The following RIPOR3 variants were observed in gnomAD, a reference collection of about 807,000 sequenced individuals.
RIPOR3 encodes the protein RIPOR family member 3, also known as family with sequence similarity 65 member C.
A neutral mutation model predicts 114.3 loss-of-function variants in RIPOR3; 95 were observed. The observed-to-expected ratio is 0.83, with a 90% confidence interval of 0.70 to 0.99. RIPOR3 has a LOEUF of 0.99. RIPOR3 is among the 50% of genes least tolerant of loss of function. RIPOR3 has a pLI of 0.00. For synonymous variants in RIPOR3, 575 were observed against 543.8 expected (o/e 1.06, Z -0.80); for missense variants, 1,252 against 1,266.9 (o/e 0.99, Z 0.18).
chr20:50,609,088 A>C, intron 8 of RIPOR3, 133 bp from the exon 9 acceptor site: 1 of 1,356,134 alleles, frequency 7.4e-7, no homozygotes, highest in Non-Finnish European at 1.0e-6. Flanking sequence ...GAGGTACACC[A>C]TCATGATGGA....
intron 1 of RIPOR3, among the ~76,000 whole-genome samples, chr20:50,661,460 G>A (rs1418173443): frequency 1.3e-5 from 2 of 152,112 alleles, no homozygotes; most frequent in Non-Finnish European, 2.9e-5. Flanking sequence ...GGTAGAGTAG[G>A]TTTCTGATTC....
At chr20:50,663,184 C>CACACAGAATCACA (rs2086059588) in intron 1 of RIPOR3, among the ~76,000 whole-genome samples, 2 of 151,420 alleles carry the variant, frequency 1.3e-5, no homozygotes, top group Admixed American at 6.6e-5. Context: ...CACAGGTATT[C>CACACAGAATCACA]ACTGACGTGA....
chr20:50,681,931 C>G (rs2086873852), intron 1 of RIPOR3, among the ~76,000 whole-genome samples: 1 of 152,232 alleles, frequency 6.6e-6, no homozygotes, highest in Admixed American at 6.5e-5. Flanking sequence ...TCCTTGATGT[C>G]AGTCAAGATC....
At chr20:50,614,373 C>T (rs966430976) in intron 4 of RIPOR3, among the ~76,000 whole-genome samples, 1 of 152,192 alleles carries the variant, frequency 6.6e-6, no homozygotes, top group African/African-American at 2.4e-5. Context: ...CATCTCCCCT[C>T]CTCGCTTTCC....
intron 1 of RIPOR3, chr20:50,636,758 A>G: frequency 4.1e-6 from 4 of 985,498 alleles, no homozygotes; most frequent in Non-Finnish European, 4.8e-6. Context: ...GGCTGGAGGA[A>G]GCAGAGTCTA....
intron 1 of RIPOR3, among the ~76,000 whole-genome samples, chr20:50,661,392 C>A (rs1262992066): frequency 6.6e-6 from 1 of 152,122 alleles, no homozygotes; most frequent in Non-Finnish European, 1.5e-5. Flanking sequence ...TTTTTAATAA[C>A]CAAAAGAAAA....
At chr20:50,663,800 C>T (rs2086091072) in intron 1 of RIPOR3, among the ~76,000 whole-genome samples, 1 of 152,202 alleles carries the variant, frequency 6.6e-6, no homozygotes, top group Non-Finnish European at 1.5e-5. Flanking sequence ...CCCTGATCCC[C>T]ATCCCCAGAA....
intron 1 of RIPOR3, among the ~76,000 whole-genome samples, chr20:50,644,860 A>C (rs1331677191): frequency 7.1e-6 from 1 of 140,048 alleles, no homozygotes; most frequent in Non-Finnish European, 1.5e-5. Context: ...TTTTTTTGAG[A>C]CGGAGTTTCG....
intron 1 of RIPOR3, among the ~76,000 whole-genome samples, chr20:50,651,243 A>C (rs1368135929): frequency 1.3e-5 from 2 of 152,204 alleles, no homozygotes; most frequent in Non-Finnish European, 2.9e-5. Context: ...GCTAGGAAGG[A>C]AATGGGGACC....
In RIPOR3 at chr20:50,620,047, A is replaced by G. The variant is rs776918396; in HGVS notation, c.208T>C (p.Cys70Arg). Reference sequence around the variant, plus strand: ...ACCTGCTGGGGCTTCGGGTCTGCACAGACCGACCCCTTCCGCAGCGTGCCG... The same window carrying G: ...ACCTGCTGGGGCTTCGGGTCTGCACGGACCGACCCCTTCCGCAGCGTGCCG... ...MYGTLRKGSV[C>R]ADPKPQQVKK... Residue 70 changes from cysteine (C) to arginine (R), a missense_variant, in exon 3 of 22, where the codon TGT becomes CGT. Physicochemically the swap from Cys to Arg is radical, Grantham distance 180. Coordinates refer to ENST00000327979, the MANE Select transcript of RIPOR3 (RefSeq NM_001290268.2). 6.2e-7 allele frequency: 1 copy of G among 1,614,168 alleles called. No homozygotes were observed.
At chr20:50,616,186 A>C in intron 3 of RIPOR3, 106 bp from the exon 4 acceptor site, 2 of 1,135,450 alleles carry the variant, frequency 1.8e-6, no homozygotes, top group Non-Finnish European at 2.5e-6. Context: ...CACGGGGCTC[A>C]GCGGGGCTCA....
chr20:50,691,455 T>C lies in RIPOR3; in HGVS notation c.-327A>G. The C allele has an allele frequency of 1.4e-5, 3 of 219,934 alleles. No individual in the cohort carries two copies. The South Asian group carries it at 1.6e-4, about 12-fold the overall frequency. 13.6% of individuals were successfully genotyped at this position (219,934 alleles called of 1,614,324 possible). A position where few individuals can be genotyped will look rare whatever the true frequency, so the allele number is the denominator to read the frequency against. ...GAGCTGGGGTTCCAGGAAGCCCTCCTGGGGCCCCCCAGCCGGCCCCGCTCC... is the reference window on the plus strand; with the variant it reads ...GAGCTGGGGTTCCAGGAAGCCCTCCCGGGGCCCCCCAGCCGGCCCCGCTCC... On this transcript the variant is annotated 5_prime_UTR_variant, in exon 1 of 22. Coordinates refer to ENST00000327979, the MANE Select transcript of RIPOR3 (RefSeq NM_001290268.2).
At chr20:50,592,676 G>T in intron 18 of RIPOR3, 130 bp from the exon 19 acceptor site, 1 of 844,138 alleles carries the variant, frequency 1.2e-6, no homozygotes, top group Non-Finnish European at 1.7e-6. Context: ...GATCACCAAG[G>T]CCCAGCCTGG....
intron 1 of RIPOR3, among the ~76,000 whole-genome samples, chr20:50,685,336 C>G (rs1474254376): frequency 6.6e-6 from 1 of 151,316 alleles, no homozygotes. Flanking sequence ...CCTGCCTCAG[C>G]CTCCCGAGTA....
rs1179356954 is a variant in RIPOR3, at chr20:50,592,394, C to T, written c.2527G>A (p.Ala843Thr). 1.9e-6 allele frequency: 3 copies of T among 1,607,364 alleles called. No individual in the cohort carries two copies. Among genetic ancestry groups the T allele is most frequent in the Non-Finnish European group, 2.6e-6 (3 of 1,175,324 alleles). Residue 843 changes from alanine to threonine, a missense_variant, in exon 19 of 22, where the codon GCC becomes ACC. Physicochemically the swap from Ala to Thr is moderately conservative, Grantham distance 58. Transcript: ENST00000327979. ...LDGTPRVCRA[A>T]SARLAGAVRN... ...ACTGCACCAGCCAGGCGAGCGCTGG[C>T]CGCCCTGCACACCCTCGGAGTGCCG... is the stretch of plus-strand genomic sequence containing the variant.
chr20:50,638,623 C>T (rs946241177), intron 1 of RIPOR3, among the ~76,000 whole-genome samples: 26 of 151,918 alleles, frequency 1.7e-4, no homozygotes, highest in Non-Finnish European at 3.2e-4. Context: ...TGTGTCGGGG[C>T]GCCAGGTGGG....
intron 1 of RIPOR3, among the ~76,000 whole-genome samples, chr20:50,631,607 C>A (rs2084824805): frequency 6.6e-6 from 1 of 152,170 alleles, no homozygotes; most frequent in Non-Finnish European, 1.5e-5. Context: ...GACTGGGAGC[C>A]ATGGGAGGGC....
Position 50,602,501 on chromosome 20 carries a change from G to T in RIPOR3, c.1230C>A (p.Phe410Leu). The T allele has an allele frequency of 6.4e-7, 1 of 1,565,138 alleles. No individual in the cohort carries two copies. Among genetic ancestry groups the T allele is most frequent in the Non-Finnish European group, 8.7e-7 (1 of 1,153,858 alleles). Residue 410 changes from phenylalanine (F) to leucine (L), a missense_variant, in exon 13 of 22, where the codon TTC becomes TTA. Phe to Leu is a conservative substitution (Grantham distance 22). Transcript: ENST00000327979. The surrounding 1 kb of genome is among the most constrained non-coding windows in gnomAD (Gnocchi z 4.3). ...QSQELPEMDS[F>L]SSEDPRDTET... ...CCGTGTCTCGGGGGTCCTCAGAGCT[G>T]AAGGAGTCCATCTCAGGCAGCTCCT...
chr20:50,589,014 A>G (rs1349531591), intron 20 of RIPOR3, among the ~76,000 whole-genome samples: 1 of 147,056 alleles, frequency 6.8e-6, no homozygotes, highest in Non-Finnish European at 1.5e-5. Flanking sequence ...CCCAGAAGGC[A>G]GAGCTTGCAG....
Sources: allele counts gnomAD v4.1 joint callset (sites outside exome capture counted in the v4.1 genomes callset), GRCh38; gene constraint gnomAD v4.1.1; non-coding constraint Gnocchi (gnomAD v3.1); transcripts MANE v1.5; gene names NCBI Gene and HGNC (gene_info 2026-07-23, HGNC 2026-07-21).